DLGAP2: variants seen among roughly 807,000 people sequenced by gnomAD.
DLGAP2 encodes DLG associated protein 2, also known as disks large-associated protein 2.
DLGAP2 carries 26 observed loss-of-function variants against 100.3 expected under a neutral mutation model. The ratio of observed to expected loss-of-function variants is 0.26; its 90% confidence interval spans 0.19 to 0.36. The LOEUF (loss-of-function observed/expected upper bound fraction) is 0.36, where lower values mean the gene tolerates loss of function less well. Ranked by LOEUF, DLGAP2 falls within the 10% of genes least tolerant of loss-of-function variation. The pLI is 1.00. For synonymous variants in DLGAP2, 886 were observed against 630.1 expected (o/e 1.41, Z -6.08); for missense variants, 1,858 against 1,453.2 (o/e 1.28, Z -4.53).
At chr8:1,653,051 T>G (rs1798202991) in intron 8 of DLGAP2, among the ~76,000 whole-genome samples, 1 of 152,202 alleles carries the variant, frequency 6.6e-6, no homozygotes, top group African/African-American at 2.4e-5. Flanking sequence ...ATTTTCAGGG[T>G]ACCACTGTAA....
chr8:1,362,621 C>G (rs1282559417), intron 3 of DLGAP2, among the ~76,000 whole-genome samples: 1 of 152,202 alleles, frequency 6.6e-6, no homozygotes, highest in Non-Finnish European at 1.5e-5. Context: ...CTCCCCTTAA[C>G]ACCAGCACCG....
At chr8:1,227,183 A>ATATATATATATATATATATATATATATC (rs1563265070) in intron 2 of DLGAP2, among the ~76,000 whole-genome samples, 4 of 132,526 alleles carry the variant, frequency 3.0e-5, no homozygotes, top group African/African-American at 1.3e-4. Context: ...TAGTATAGAT[A>ATATATATATATATATATATATATATATC]TATATTATCC....
intron 2 of DLGAP2, among the ~76,000 whole-genome samples, chr8:1,234,830 C>T (rs938257405): frequency 4.6e-5 from 7 of 152,182 alleles, no homozygotes; most frequent in Admixed American, 2.6e-4. Flanking sequence ...CACGGCGTCA[C>T]GTCAGGAGTG....
At chr8:815,574 T>C (rs527336926) in intron 1 of DLGAP2, among the ~76,000 whole-genome samples, 40 of 152,344 alleles carry the variant, frequency 2.6e-4, no homozygotes, top group African/African-American at 9.4e-4. Context: ...AAAATTTCAC[T>C]GTGTCCAGGA....
In DLGAP2 at chr8:1,578,879, G is replaced by C. The variant is rs556912447; in HGVS notation, c.1442+12985G>C. ...TCGGGAAGGTCAGATTCCCAGGGCT[G>C]ATGGCCCCGTCTGTGGGTCAGACCC... On this transcript the variant is annotated intron_variant, in intron 6 of 14. Coordinates refer to ENST00000637795, the MANE Select transcript of DLGAP2 (RefSeq NM_001346810.2). Among the ~76,000 whole-genome samples the C allele has an allele frequency of 1.5e-3, 226 of 152,310 alleles. 1 individual carries two copies. Among genetic ancestry groups the C allele is most frequent in the African/African-American group, 5.3e-3 (220 of 41,582 alleles).
intron 3 of DLGAP2, among the ~76,000 whole-genome samples, chr8:1,485,247 T>G (rs1013137289): frequency 1.3e-5 from 2 of 152,354 alleles, no homozygotes; most frequent in East Asian, 3.9e-4. Context: ...TAATTTTGAT[T>G]AGGTTGATTA....
chr8:823,301 G>C lies in DLGAP2; in HGVS notation c.19-84611G>C, dbSNP rs184784344. Among the ~76,000 whole-genome samples, 3 of 120,728 alleles carry C rather than the reference G, an allele frequency of 2.5e-5. No individual in the cohort carries two copies. In the East Asian group the frequency reaches 6.5e-4, roughly 26 times the overall value. The allele number at this position is 120,728 out of a possible 152,430, so 79.2% of individuals were successfully genotyped here. ...CAGCTTCTGAGGAGTTGTAAGGCGAGCTTGAATTCATTATTATTATTATTA... is the reference window on the plus strand; with the variant it reads ...CAGCTTCTGAGGAGTTGTAAGGCGACCTTGAATTCATTATTATTATTATTA... On this transcript the variant is annotated intron_variant, in intron 1 of 14. Transcript: ENST00000637795.
intron 1 of DLGAP2, among the ~76,000 whole-genome samples, chr8:755,747 C>T (rs1378612876): frequency 6.6e-6 from 1 of 152,040 alleles, no homozygotes; most frequent in Admixed American, 6.6e-5. Context: ...GTGTCAGATC[C>T]CCAGCTGGGG....
At chr8:1,636,999 G>A (rs1797781799) in intron 8 of DLGAP2, among the ~76,000 whole-genome samples, 1 of 152,246 alleles carries the variant, frequency 6.6e-6, no homozygotes, top group South Asian at 2.1e-4. Flanking sequence ...GCTGCCGAGT[G>A]CGCAGCACCC....
rs184910685 is a variant in DLGAP2 at position 1,472,319 on chromosome 8, G to A, written c.107-29047G>A. Among the ~76,000 whole-genome samples, 461 of 152,330 alleles carry A rather than the reference G, an allele frequency of 3.0e-3. 1 individual carries two copies. The highest frequency in any genetic ancestry group is 0.011 in the African/African-American group (442 of 41,576). On this transcript the variant is annotated intron_variant, in intron 3 of 14. Transcript: ENST00000637795. ...AGGACGCAGCTGGGAGGGAGGCCAG[G>A]GGCGCAGGTGCCATCATCCCTTCAG... is the stretch of plus-strand genomic sequence containing the variant.
At chr8:1,550,839 G>C (rs1801740954) in intron 5 of DLGAP2, among the ~76,000 whole-genome samples, 1 of 152,200 alleles carries the variant, frequency 6.6e-6, no homozygotes, top group Non-Finnish European at 1.5e-5. Flanking sequence ...TCAGTCGATA[G>C]CGCTGTTAAA....
chr8:1,409,277 C>G (rs895717000), intron 3 of DLGAP2, among the ~76,000 whole-genome samples: 5 of 151,246 alleles, frequency 3.3e-5, no homozygotes, highest in African/African-American at 4.9e-5. Flanking sequence ...ATTGTCTAGA[C>G]CAGCTGAAAA....
chr8:1,046,519 AG>A (rs1425553724), intron 2 of DLGAP2, among the ~76,000 whole-genome samples: 1 of 152,210 alleles, frequency 6.6e-6, no homozygotes, highest in African/African-American at 2.4e-5. Context: ...GAGACATTAA[AG>A]GGGACCTAAG....
At chr8:1,574,662 A>G (rs1168014291) in intron 6 of DLGAP2, among the ~76,000 whole-genome samples, 1 of 152,232 alleles carries the variant, frequency 6.6e-6, no homozygotes, top group Non-Finnish European at 1.5e-5. Context: ...ACTGCAAATA[A>G]AAGCTTCCAC....
intron 2 of DLGAP2, among the ~76,000 whole-genome samples, chr8:1,099,677 G>A (rs1804513824): frequency 6.6e-6 from 1 of 152,186 alleles, no homozygotes; most frequent in Non-Finnish European, 1.5e-5. Flanking sequence ...TAATTAAGTG[G>A]GTAGCTTGTT....
At chr8:1,648,881 C>A (rs368524042) in intron 8 of DLGAP2, among the ~76,000 whole-genome samples, 1 of 152,162 alleles carries the variant, frequency 6.6e-6, no homozygotes, top group Non-Finnish European at 1.5e-5. Flanking sequence ...AACCGCTGAT[C>A]TCACTTGAAA....
At chr8:1,277,115 A>G (rs140164198) in intron 3 of DLGAP2, among the ~76,000 whole-genome samples, 402 of 152,286 alleles carry the variant, frequency 2.6e-3, no homozygotes, top group Non-Finnish European at 4.4e-3. Flanking sequence ...CTTTATCTGC[A>G]TGCTCATTCA....
At chr8:1,510,775 C>T (rs767738272) in intron 4 of DLGAP2, among the ~76,000 whole-genome samples, 60 of 152,306 alleles carry the variant, frequency 3.9e-4, no homozygotes, top group African/African-American at 1.3e-3. Flanking sequence ...ACTGCTTCCC[C>T]AAGGAAACTA....
chr8:1,628,896 G>A (rs1241152944), intron 7 of DLGAP2, among the ~76,000 whole-genome samples: 1 of 152,254 alleles, frequency 6.6e-6, no homozygotes, highest in Non-Finnish European at 1.5e-5. Flanking sequence ...CTCCCATTAT[G>A]CAGTTATCGG....
Sources: gnomAD v4.1 joint callset for allele counts (sites outside exome capture counted in the v4.1 genomes callset) on GRCh38, gnomAD v4.1.1 for gene constraint, MANE v1.5 for transcripts, NCBI Gene and HGNC (gene_info 2026-07-23, HGNC 2026-07-21) for gene names.